The following CRPPA variants were observed in gnomAD, a reference collection of about 807,000 sequenced individuals.
CRPPA encodes the protein CDP-L-ribitol pyrophosphorylase A.
In CRPPA, 43 loss-of-function variants were observed where a neutral mutation model predicts 52.0. The observed-to-expected ratio is 0.83, with a 90% CI of 0.65 to 1.07. CRPPA has a LOEUF of 1.07. Among genes scored for constraint, CRPPA ranks in the 50% least tolerant of loss-of-function variants. The probability of loss-of-function intolerance (pLI) is 0.00; values close to 1 mark genes in which losing one functional copy is unlikely to be tolerated. For missense variants in CRPPA, 629 were observed against 551.7 expected, an observed-to-expected ratio of 1.14 and a Z score of -1.40; for synonymous variants, 250 against 203.5, an observed-to-expected ratio of 1.23 and a Z score of -1.94.
At chr7:16,243,395 T>C (rs545286779) in intron 8 of CRPPA, among the ~76,000 whole-genome samples, 1 of 152,282 alleles carries the variant, frequency 6.6e-6, no homozygotes, top group East Asian at 1.9e-4. Context: ...TAAAAATCTG[T>C]AGAATTCTGA....
chr7:16,249,105 G>C (rs1276332829), intron 8 of CRPPA, among the ~76,000 whole-genome samples: 2 of 152,196 alleles, frequency 1.3e-5, no homozygotes, highest in Admixed American at 6.5e-5. Context: ...CAAAGGCACT[G>C]GGTGGTTCGA....
chr7:16,091,750 G>A lies in CRPPA; in HGVS notation c.1301C>T (p.Ala434Val), dbSNP rs886044370. Residue 434 changes from alanine to valine, a missense_variant, in exon 10 of 10, where the codon GCT becomes GTT. By Grantham distance (64) the Ala-to-Val change is moderately conservative. Transcript: ENST00000407010. ...ESLRQGAIII[A>V]SLIKERNSGL... Reference sequence around the variant, plus strand: ...AGAATTTCTTTCCTTGATTAATGAAGCAATAATGATAGCACCTTGCCTTAA... The same window carrying A: ...AGAATTTCTTTCCTTGATTAATGAAACAATAATGATAGCACCTTGCCTTAA... The A allele has an allele frequency of 6.4e-7, 1 of 1,565,066 alleles. No individual in the cohort carries two copies. Among genetic ancestry groups the A allele is most frequent in the Admixed American group, 1.9e-5 (1 of 52,680 alleles).
chr7:16,389,473 T>C (rs1787380412), intron 2 of CRPPA, among the ~76,000 whole-genome samples: 1 of 152,062 alleles, frequency 6.6e-6, no homozygotes, highest in Non-Finnish European at 1.5e-5. Context: ...AAAGTCAATG[T>C]AATAAACCAT....
At chr7:16,407,454 CTCTGACCCATGATACGAAT>C (rs1262598734) in intron 1 of CRPPA, among the ~76,000 whole-genome samples, 6 of 152,204 alleles carry the variant, frequency 3.9e-5, no homozygotes, top group Admixed American at 2.0e-4. Context: ...AGACAACGGT[CTCTGACCCATGATACGAAT>C]TCTGAACAAA....
At chr7:16,276,533 T>G (rs1310697572) in intron 6 of CRPPA, 2 of 152,160 alleles carry the variant, frequency 1.3e-5, no homozygotes, top group Non-Finnish European at 2.9e-5. Context: ...ATTACTGAAT[T>G]AAGATTGCTT....
chr7:16,210,763 A>T (rs1320943167), intron 9 of CRPPA, among the ~76,000 whole-genome samples: 1 of 152,168 alleles, frequency 6.6e-6, no homozygotes, highest in Non-Finnish European at 1.5e-5. Context: ...TTCGCTCATT[A>T]AAAATTTCCA....
chr7:16,222,408 A>G (rs1347403001), intron 8 of CRPPA, among the ~76,000 whole-genome samples: 2 of 151,134 alleles, frequency 1.3e-5, no homozygotes, highest in Non-Finnish European at 2.9e-5. Flanking sequence ...ACTAACCTGC[A>G]CAATGTGCAC....
chr7:16,261,681 T>G (rs1295149), intron 6 of CRPPA, among the ~76,000 whole-genome samples: 22,370 of 151,874 alleles, frequency 0.15, 1,799 homozygotes, highest in African/African-American at 0.22. Context: ...AAAATTTGGT[T>G]CATACTTTCC....
rs182011026 is a variant in CRPPA, at chr7:16,092,573, C to T, written c.1252-774G>A. ...TGAGATAAGGCATTAGCGATAATGC[C>T]GCTCAAACTGCCACTGCCAGCATAG... On this transcript the variant is annotated intron_variant, in intron 9 of 9. Transcript: ENST00000407010. Among the ~76,000 whole-genome samples, 30 of 152,248 alleles carry T rather than the reference C, an allele frequency of 2.0e-4. No individual in the cohort carries two copies. In the East Asian group the frequency reaches 2.9e-3, roughly 15 times the overall value.
chr7:16,283,878 C>T lies in CRPPA; in HGVS notation c.836-5652G>A, dbSNP rs138868155. 1.1e-3 allele frequency among the ~76,000 whole-genome samples: 160 copies of T among 151,972 alleles called. 1 individual carries two copies. Among genetic ancestry groups the T allele is most frequent in the African/African-American group, 3.8e-3 (156 of 41,484 alleles). On this transcript the variant is annotated intron_variant, in intron 5 of 9. Transcript: ENST00000407010. Reference sequence around the variant, plus strand: ...AATAAGGTAACATATTTAATAACTACAGATATAGGATACTTGATAGGCATT... The same window carrying T: ...AATAAGGTAACATATTTAATAACTATAGATATAGGATACTTGATAGGCATT...
At chr7:16,185,405 G>A (rs1474341832) in intron 9 of CRPPA, among the ~76,000 whole-genome samples, 3 of 152,110 alleles carry the variant, frequency 2.0e-5, no homozygotes, top group African/African-American at 7.2e-5. Context: ...GATGAGATTT[G>A]GGTGGGGGAC....
intron 3 of CRPPA, among the ~76,000 whole-genome samples, chr7:16,342,751 A>T (rs376355967): frequency 2.5e-5 from 1 of 40,758 alleles, no homozygotes; most frequent in Non-Finnish European, 6.3e-5. Flanking sequence ...AACAGGATGA[A>T]CCCTGTCTCC....
At chr7:16,117,335 C>T (rs1031438893) in intron 9 of CRPPA, among the ~76,000 whole-genome samples, 4 of 152,178 alleles carry the variant, frequency 2.6e-5, no homozygotes, top group African/African-American at 9.7e-5. Flanking sequence ...CGACTCTGAA[C>T]TGAGCACGTA....
intron 2 of CRPPA, among the ~76,000 whole-genome samples, chr7:16,399,396 G>C (rs1787728462): frequency 7.4e-6 from 1 of 135,476 alleles, no homozygotes; most frequent in African/African-American, 3.0e-5. Context: ...GAAGTGATTG[G>C]CATGTGACAC....
chr7:16,339,816 C>T (rs776107510), intron 3 of CRPPA, among the ~76,000 whole-genome samples: 5 of 151,982 alleles, frequency 3.3e-5, no homozygotes, highest in Non-Finnish European at 7.4e-5. Flanking sequence ...CTGGAGTAAG[C>T]CATTATGTCA....
intron 3 of CRPPA, among the ~76,000 whole-genome samples, chr7:16,315,294 C>T (rs1252094203): frequency 6.6e-6 from 1 of 152,062 alleles, no homozygotes; most frequent in African/African-American, 2.4e-5. Flanking sequence ...CATGAGAGTC[C>T]TTGTCATATT....
chr7:16,355,710 C>A (rs944945856), intron 3 of CRPPA, among the ~76,000 whole-genome samples: 2 of 152,268 alleles, frequency 1.3e-5, no homozygotes, highest in Admixed American at 6.5e-5. Context: ...CTCCCAACAT[C>A]CTCATTTGTT....
intron 9 of CRPPA, among the ~76,000 whole-genome samples, chr7:16,092,211 A>G (rs544380305): frequency 6.6e-6 from 1 of 152,304 alleles, no homozygotes; most frequent in South Asian, 2.1e-4. Context: ...ATAGGGGGGA[A>G]AACCCTGCTT....
intron 2 of CRPPA, among the ~76,000 whole-genome samples, chr7:16,379,113 T>C (rs568423243): frequency 1.3e-5 from 2 of 152,316 alleles, no homozygotes; most frequent in African/African-American, 4.8e-5. Flanking sequence ...TTAGTTTAAT[T>C]AGATCCCATT....
Sources: gnomAD v4.1 joint callset for allele counts (sites outside exome capture counted in the v4.1 genomes callset) on GRCh38, gnomAD v4.1.1 for gene constraint, MANE v1.5 for transcripts, NCBI Gene and HGNC (gene_info 2026-07-23, HGNC 2026-07-21) for gene names.